Variants in EFCAB8 observed in about 807,000 individuals in gnomAD.
EFCAB8 encodes the protein EF-hand calcium-binding domain-containing protein 8.
A neutral mutation model predicts 116.3 loss-of-function variants in EFCAB8; 100 were observed. That is an observed-to-expected ratio of 0.86 (90% CI 0.73 to 1.02). The LOEUF is 1.02. EFCAB8 is among the 50% of genes least tolerant of loss of function. The probability of loss-of-function intolerance (pLI) is 0.00; values close to 1 mark genes in which losing one functional copy is unlikely to be tolerated. For missense variants in EFCAB8, 1,320 were observed against 1,416.9 expected (o/e 0.93, Z 1.10); for synonymous variants, 558 against 567.9 (o/e 0.98, Z 0.25).
At chr20:32,872,890 G>A (rs1470669675) in intron 3 of EFCAB8, among the ~76,000 whole-genome samples, 3 of 151,660 alleles carry the variant, frequency 2.0e-5, no homozygotes, top group Non-Finnish European at 4.4e-5. Context: ...TCAGGAGTTC[G>A]AGACCAGCCT....
At chr20:32,916,136 A>T (rs1987174043) in intron 17 of EFCAB8, among the ~76,000 whole-genome samples, 1 of 152,232 alleles carries the variant, frequency 6.6e-6, no homozygotes, top group South Asian at 2.1e-4. Context: ...ATAGTTCTGG[A>T]GGAAGTTCTT....
chr20:32,881,474 G>C (rs1304412675), intron 5 of EFCAB8, among the ~76,000 whole-genome samples: 1 of 152,228 alleles, frequency 6.6e-6, no homozygotes, highest in Non-Finnish European at 1.5e-5. Flanking sequence ...TGGGATTACA[G>C]GCGTGAGCCA....
rs1032663411 is a variant in EFCAB8, at chr20:32,889,329, A to C, written c.596A>C (p.Gln199Pro). 12 of 1,551,636 alleles carry C rather than the reference A, an allele frequency of 7.7e-6. No homozygotes were observed. The African/African-American group carries it at 1.6e-4, about 21-fold the overall frequency. The change falls in exon 7 of 27, where the codon CAG (glutamine) becomes CCG (proline). Residue 199 changes from glutamine (Q) to proline (P), a missense_variant. By Grantham distance (76) the Gln-to-Pro change is moderately conservative. Transcript: ENST00000400522. ...RLNQTQQLYN[Q>P]PMWVIDMVCL... ...AACCAGACCCAGCAGCTCTACAACC[A>C]GCCGATGTGGGTCATTGACATGGTA...
At chr20:32,951,462 A>G (rs1473558106) in intron 23 of EFCAB8, among the ~76,000 whole-genome samples, 1 of 152,166 alleles carries the variant, frequency 6.6e-6, no homozygotes, top group Non-Finnish European at 1.5e-5. Flanking sequence ...TTTCCCAACC[A>G]TTTACACCTG....
chr20:32,874,076 A>G (rs773717806), intron 3 of EFCAB8, among the ~76,000 whole-genome samples: 2 of 151,340 alleles, frequency 1.3e-5, no homozygotes, highest in Non-Finnish European at 2.9e-5. Flanking sequence ...ATGTGCCACC[A>G]TGCCTGGCTA....
chr20:32,959,634 T>C (rs1989077756), intron 24 of EFCAB8, 144 bp from the exon 25 acceptor site: 2 of 644,842 alleles, frequency 3.1e-6, no homozygotes, highest in East Asian at 2.8e-5. Context: ...TACTCAGTGA[T>C]GGACTCTGGG....
At chr20:32,902,386 C>T (rs146297676) in intron 11 of EFCAB8, among the ~76,000 whole-genome samples, 1 of 152,158 alleles carries the variant, frequency 6.6e-6, no homozygotes, top group African/African-American at 2.4e-5. Context: ...CACACAAACA[C>T]AGAGACACAT....
At chr20:32,885,773 C>G in intron 6 of EFCAB8, 133 bp downstream of exon 6, 2 of 1,182,296 alleles carry the variant, frequency 1.7e-6, no homozygotes, top group Non-Finnish European at 1.2e-6. Context: ...GTCACAGCAC[C>G]TGGGTCCTGA....
rs1296653195 is a variant in EFCAB8 at position 32,931,327 on chromosome 20, G to A, written c.2781G>A (p.Glu927=). Reference sequence around the variant, plus strand: ...ACTTCCCACACTACATTCCCTTGGAGGATAAAGAGGTAGGAGGATTACTGG... The same window carrying A: ...ACTTCCCACACTACATTCCCTTGGAAGATAAAGAGGTAGGAGGATTACTGG... ...GTNFPHYIPL[E]DKEVVAGHTI... is the part of the protein sequence containing the mutation. Residue 927 remains glutamate, a synonymous_variant, in exon 22 of 27, where the codon GAG becomes GAA. Coordinates refer to ENST00000400522, the MANE Select transcript of EFCAB8 (RefSeq NM_001143967.2). The A allele has an allele frequency of 1.9e-6, 3 of 1,543,500 alleles. No homozygotes were observed. Among genetic ancestry groups the A allele is most frequent in the Non-Finnish European group, 1.7e-6 (2 of 1,143,282 alleles).
chr20:32,914,064 T>C (rs996188382), intron 17 of EFCAB8, among the ~76,000 whole-genome samples: 3 of 152,252 alleles, frequency 2.0e-5, no homozygotes, highest in African/African-American at 7.2e-5. Flanking sequence ...CCTGTGGGGC[T>C]GCAATTCCAA....
At chr20:32,875,508 T>G (rs1220147516) in intron 3 of EFCAB8, among the ~76,000 whole-genome samples, 1 of 137,256 alleles carries the variant, frequency 7.3e-6, no homozygotes, top group African/African-American at 2.5e-5. Flanking sequence ...GGTGGTTTTT[T>G]TTTTTTTTTT....
At chr20:32,904,297 T>C (rs1287897747) in intron 11 of EFCAB8, among the ~76,000 whole-genome samples, 3 of 146,098 alleles carry the variant, frequency 2.1e-5, no homozygotes, top group African/African-American at 7.6e-5. Context: ...CTGGCCTGAA[T>C]AGAGTCTTTT....
At chr20:32,946,826 A>T (rs945771437) in intron 23 of EFCAB8, among the ~76,000 whole-genome samples, 3 of 152,174 alleles carry the variant, frequency 2.0e-5, no homozygotes, top group African/African-American at 7.2e-5. Flanking sequence ...CCTGGCAGCC[A>T]TTGATCTGTT....
At chr20:32,941,484 C>G (rs1375381674) in intron 22 of EFCAB8, among the ~76,000 whole-genome samples, 4 of 136,318 alleles carry the variant, frequency 2.9e-5, no homozygotes, top group Admixed American at 7.0e-5. Flanking sequence ...ATGTCAACTT[C>G]CAAATGGATA....
In EFCAB8 at chr20:32,918,379, C is replaced by T; in HGVS notation, c.2079C>T (p.Asn693=). The part of the protein sequence containing the change: ...LQPKRVQDVN[N]CLAESHRPSR... The stretch of plus-strand genomic sequence containing the variant: ...TGGTACAGGTGCAAGATGTGAACAA[C>T]TGCCTGGCTGAGAGCCACAGGCCCA... The change falls in exon 19 of 27, where the codon AAC becomes AAT. Residue 693 remains asparagine (N), a synonymous_variant. Transcript: ENST00000400522. 1.3e-6 allele frequency: 2 copies of T among 1,551,758 alleles called. No homozygotes were observed. Among genetic ancestry groups the T allele is most frequent in the Non-Finnish European group, 1.7e-6 (2 of 1,147,004 alleles).
chr20:32,921,451 A>G (rs1987450754), intron 20 of EFCAB8, among the ~76,000 whole-genome samples: 1 of 151,742 alleles, frequency 6.6e-6, no homozygotes, highest in Admixed American at 6.6e-5. Context: ...CCTGGGCTCA[A>G]GTGATCCTCC....
chr20:32,939,999 G>GCCTCCCTCCCTCCCTCCCTCCCTC (rs1173361139), intron 22 of EFCAB8, among the ~76,000 whole-genome samples: 2 of 63,492 alleles, frequency 3.1e-5, no homozygotes, highest in African/African-American at 1.1e-4. Flanking sequence ...CTGCCTGCCT[G>GCCTCCCTCCCTCCCTCCCTCCCTC]CCTGCCTCCC....
chr20:32,900,866 C>T (rs1446919478), intron 11 of EFCAB8, among the ~76,000 whole-genome samples: 1 of 151,982 alleles, frequency 6.6e-6, no homozygotes, highest in Non-Finnish European at 1.5e-5. Flanking sequence ...CCATGCCCGG[C>T]TTAATTTTTG....
intron 22 of EFCAB8, among the ~76,000 whole-genome samples, chr20:32,935,021 G>C (rs562198929): frequency 1.3e-5 from 2 of 151,984 alleles, no homozygotes; most frequent in Non-Finnish European, 2.9e-5. Flanking sequence ...TAATCTAACA[G>C]ATGTAAGATG....
Sources: gnomAD v4.1 joint callset for allele counts (sites outside exome capture counted in the v4.1 genomes callset) on GRCh38, gnomAD v4.1.1 for gene constraint, MANE v1.5 for transcripts, NCBI Gene and HGNC (gene_info 2026-07-23, HGNC 2026-07-21) for gene names.